DLG1: variants seen among roughly 807,000 people sequenced by gnomAD.
The protein encoded by DLG1 is disks large homolog 1.
A neutral mutation model predicts 123.4 loss-of-function variants in DLG1; 42 were observed. That is an observed-to-expected ratio of 0.34 (90% CI 0.27 to 0.44). The LOEUF (loss-of-function observed/expected upper bound fraction) is 0.44, where lower values mean the gene tolerates loss of function less well. DLG1 is among the 20% of genes least tolerant of loss of function. The pLI is 1.00. For missense variants in DLG1, 942 were observed against 1,082.6 expected, an observed-to-expected ratio of 0.87 and a Z score of 1.82; for synonymous variants, 317 against 356.2, an observed-to-expected ratio of 0.89 and a Z score of 1.24.
chr3:197,293,065 T>A (rs1248214727), intron 3 of DLG1, among the ~76,000 whole-genome samples: 1 of 152,174 alleles, frequency 6.6e-6, no homozygotes, highest in Admixed American at 6.5e-5. Context: ...CCATATCCCG[T>A]CTACTCAAAA....
At chr3:197,126,017 A>G (rs1009278014) in intron 11 of DLG1, among the ~76,000 whole-genome samples, 1 of 152,138 alleles carries the variant, frequency 6.6e-6, no homozygotes, top group Non-Finnish European at 1.5e-5. Flanking sequence ...ACACAAACAG[A>G]TTGTTTATGA....
At chr3:197,260,035 T>C (rs1273480539) in intron 4 of DLG1, among the ~76,000 whole-genome samples, 1 of 152,130 alleles carries the variant, frequency 6.6e-6, no homozygotes, top group Admixed American at 6.6e-5. Flanking sequence ...AGGCTTCCTG[T>C]AAATCTCAGG....
chr3:197,139,478 T>G (rs759518228), intron 8 of DLG1, among the ~76,000 whole-genome samples: 21 of 152,152 alleles, frequency 1.4e-4, no homozygotes, highest in Non-Finnish European at 2.5e-4. Context: ...TCTTTAGTCC[T>G]AAAACTTCAG....
In DLG1 at chr3:197,081,031, T is replaced by C. The variant is rs376857613; in HGVS notation, c.1905+20A>G. Reference sequence around the variant, plus strand: ...AGCTCAAACAGGAATTACAAAAATGTAGAGATTTCAAATACTCACCCCTTT... The same window carrying C: ...AGCTCAAACAGGAATTACAAAAATGCAGAGATTTCAAATACTCACCCCTTT... On this transcript the variant is annotated intron_variant, in intron 17 of 24. Transcript: ENST00000667157. 2.5e-6 allele frequency: 4 copies of C among 1,603,272 alleles called. No individual in the cohort carries two copies. Among genetic ancestry groups the C allele is most frequent in the Non-Finnish European group, 1.7e-6 (2 of 1,172,886 alleles).
rs115824667 is a variant in DLG1, at chr3:197,113,828, G to T, written c.1443+2099C>A. Among the ~76,000 whole-genome samples the T allele has an allele frequency of 6.8e-3, 1,031 of 152,180 alleles. 9 individuals are homozygous for T. Among genetic ancestry groups the T allele is most frequent in the African/African-American group, 0.022 (916 of 41,542 alleles). ...AAGGTATAGATAAGATGTAGTTTCA[G>T]ATTAGATATAGATAAGAAAATTGAA... On this transcript the variant is annotated intron_variant, in intron 13 of 24. Transcript: ENST00000667157.
At chr3:197,192,814 C>T (rs936680643) in intron 5 of DLG1, among the ~76,000 whole-genome samples, 1 of 151,770 alleles carries the variant, frequency 6.6e-6, no homozygotes, top group Non-Finnish European at 1.5e-5. Flanking sequence ...TTTGAAAAGA[C>T]CATCTTTGAA....
At chr3:197,226,599 A>G (rs1740089712) in intron 4 of DLG1, among the ~76,000 whole-genome samples, 1 of 152,352 alleles carries the variant, frequency 6.6e-6, no homozygotes, top group South Asian at 2.1e-4. Flanking sequence ...TAAACAATTC[A>G]AGCAACAACA....
intron 5 of DLG1, among the ~76,000 whole-genome samples, chr3:197,190,588 G>A (rs938660682): frequency 1.3e-5 from 2 of 152,196 alleles, no homozygotes; most frequent in Non-Finnish European, 2.9e-5. Context: ...CTTCGCAACT[G>A]TGCCCGCACA....
rs1360014258 is a variant in DLG1, at chr3:197,104,892, A to T, written c.1546+11T>A. 1.5e-5 allele frequency: 23 copies of T among 1,575,636 alleles called. No homozygotes were observed. In the Admixed American group the frequency reaches 3.9e-4, roughly 27 times the overall value. ...ATAAGCAATAACTATAGACAATAAG[A>T]ATGTTATTACCTTCAGGTCGATATT... On this transcript the variant is annotated intron_variant, in intron 14 of 24. Coordinates refer to ENST00000667157, the MANE Select transcript of DLG1 (RefSeq NM_001366207.1).
In DLG1 at chr3:197,297,620, G is replaced by C. The variant is rs878862626; in HGVS notation, c.-31-385C>G. ...AGCAGCGGCCGCAGAGCGCTGAGAG[G>C]GGACCAGCGGGACTGGCCGCCCGCC... On this transcript the variant is annotated intron_variant, in intron 1 of 24. Coordinates refer to ENST00000667157, the MANE Select transcript of DLG1 (RefSeq NM_001366207.1). 1.5e-5 allele frequency: 15 copies of C among 1,004,382 alleles called. No homozygotes were observed. The East Asian group carries it at 1.5e-3, about 99-fold the overall frequency. The allele number at this position is 1,004,382 out of a possible 1,614,324, so 62.2% of individuals were successfully genotyped here. A position where few individuals can be genotyped will look rare whatever the true frequency, so the allele number is the denominator to read the frequency against.
At chr3:197,126,464 T>A (rs1244287134) in intron 11 of DLG1, among the ~76,000 whole-genome samples, 1 of 150,012 alleles carries the variant, frequency 6.7e-6, no homozygotes, top group East Asian at 2.0e-4. Context: ...CGAAACTCCA[T>A]CTTAAAAAAA....
chr3:197,141,433 T>C (rs564080649), intron 7 of DLG1, among the ~76,000 whole-genome samples: 8 of 152,352 alleles, frequency 5.3e-5, no homozygotes, highest in Admixed American at 5.2e-4. Context: ...TACAGTACAT[T>C]AATACTGTGC....
intron 4 of DLG1, among the ~76,000 whole-genome samples, chr3:197,255,768 A>G (rs1017625531): frequency 1.5e-5 from 1 of 65,976 alleles, no homozygotes; most frequent in Non-Finnish European, 3.4e-5. Flanking sequence ...CTATAGTGAT[A>G]TGAGTTAAAA....
chr3:197,046,884 GACAAAAAACAAAACGAA>G (rs146769096), intron 24 of DLG1, among the ~76,000 whole-genome samples: 12,251 of 150,690 alleles, frequency 0.081, 1,219 homozygotes, highest in African/African-American at 0.24. Context: ...AAAAACAAAA[GACAAAAAACAAAACGAA>G]ACAAAAAACA....
intron 5 of DLG1, among the ~76,000 whole-genome samples, chr3:197,189,593 C>T (rs1301559307): frequency 6.6e-6 from 1 of 151,990 alleles, no homozygotes; most frequent in Non-Finnish European, 1.5e-5. Context: ...ACTTAAGAAC[C>T]CCAGAGGATG....
At chr3:197,265,519 G>C (rs920681997) in intron 4 of DLG1, among the ~76,000 whole-genome samples, 4 of 152,188 alleles carry the variant, frequency 2.6e-5, no homozygotes, top group African/African-American at 9.7e-5. Flanking sequence ...AAGAGTACCA[G>C]AAAGGAGAGA....
intron 14 of DLG1, among the ~76,000 whole-genome samples, chr3:197,098,583 G>A (rs1449865264): frequency 4.0e-5 from 6 of 151,146 alleles, no homozygotes; most frequent in Admixed American, 3.3e-4. Context: ...TGCTCAGGCC[G>A]GAGTGCAGTG....
chr3:197,254,704 GCAAA>G lies in DLG1; in HGVS notation c.318+27971_318+27974del, dbSNP rs558310494. Among the ~76,000 whole-genome samples the G allele has an allele frequency of 3.3e-5, 5 of 152,196 alleles. No individual in the cohort carries two copies. The South Asian group carries it at 1.0e-3, about 32-fold the overall frequency. ...AAGAGAAATAGAAACTCTAAAAAGA[GCAAA>G]CAGACATTCTAAAAGTTAAAAATAC... On this transcript the variant is annotated intron_variant, in intron 4 of 24. Transcript: ENST00000667157.
At chr3:197,101,891 G>GC (rs1763676689) in intron 14 of DLG1, among the ~76,000 whole-genome samples, 1 of 152,092 alleles carries the variant, frequency 6.6e-6, no homozygotes, top group African/African-American at 2.4e-5. Flanking sequence ...GACTACGGGT[G>GC]CGCACTACCA....
Sources: gnomAD v4.1 joint callset for allele counts (sites outside exome capture counted in the v4.1 genomes callset) on GRCh38, gnomAD v4.1.1 for gene constraint, MANE v1.5 for transcripts, NCBI Gene and HGNC (gene_info 2026-07-23, HGNC 2026-07-21) for gene names.